The following ARHGAP5 variants were observed in gnomAD, a reference collection of about 807,000 sequenced individuals.
ARHGAP5 encodes Rho GTPase activating protein 5.
In ARHGAP5, 23 loss-of-function variants were observed where a neutral mutation model predicts 116.6. That is an observed-to-expected ratio of 0.20 (90% confidence interval 0.14 to 0.28). The LOEUF (loss-of-function observed/expected upper bound fraction) is 0.28, where lower values mean the gene tolerates loss of function less well. ARHGAP5 is among the 10% of genes least tolerant of loss of function. The pLI is 1.00. For synonymous variants in ARHGAP5, 574 were observed against 602.0 expected, an observed-to-expected ratio of 0.95 and a Z score of 0.68; for missense variants, 1,405 against 1,774.8, an observed-to-expected ratio of 0.79 and a Z score of 3.74.
At chr14:32,135,711 C>T (rs1880753642) in intron 3 of ARHGAP5, among the ~76,000 whole-genome samples, 1 of 152,244 alleles carries the variant, frequency 6.6e-6, no homozygotes, top group South Asian at 2.1e-4. Context: ...GTGCAAGCCA[C>T]CACTCCTGGC....
At position 32,092,124 on chromosome 14, in the gene ARHGAP5, A is replaced by C. The variant is rs1878286648; in HGVS notation, c.1455A>C (p.Lys485Asn). 6.2e-7 allele frequency: 1 copy of C among 1,613,784 alleles called. No homozygotes were observed. The highest frequency in any genetic ancestry group is 1.3e-5 in the African/African-American group (1 of 74,918). Residue 485 changes from lysine to asparagine, a missense_variant, in exon 2 of 7, where the codon AAA becomes AAC. This residue lies in a region of ARHGAP5 where 944 missense variants were observed against 1,095.3 expected (regional missense o/e 0.86). Coordinates refer to ENST00000345122, the MANE Select transcript of ARHGAP5 (RefSeq NM_001030055.2). The surrounding 1 kb of genome is among the most constrained non-coding windows in gnomAD (Gnocchi z 4.1). The part of the protein sequence containing the change: ...YGRHQREIVE[K>N]AKEEFQEMLF... ...GGCATCAGCGAGAAATAGTTGAAAAAGCCAAAGAAGAGTTTCAAGAAATGC... is the reference window on the plus strand; with the variant it reads ...GGCATCAGCGAGAAATAGTTGAAAACGCCAAAGAAGAGTTTCAAGAAATGC...
chr14:32,153,504 TG>T (rs1165263521), intron 6 of ARHGAP5, among the ~76,000 whole-genome samples: 2 of 136,742 alleles, frequency 1.5e-5, no homozygotes, highest in Non-Finnish European at 3.2e-5. Context: ...GATGGAGTCT[TG>T]CTCTGTCGCC....
At chr14:32,154,434 C>T (rs1881799842) in intron 6 of ARHGAP5, 187 bp from the exon 7 acceptor site, 3 of 566,840 alleles carry the variant, frequency 5.3e-6, no homozygotes. Flanking sequence ...CAGGCGTGAG[C>T]CACTGCACCT....
In ARHGAP5 at chr14:32,091,927, C is replaced by T; in HGVS notation, c.1258C>T (p.His420Tyr). 1 of 1,613,572 alleles carries T rather than the reference C, an allele frequency of 6.2e-7. No individual in the cohort carries two copies. Among genetic ancestry groups the T allele is most frequent in the Admixed American group, 1.7e-5 (1 of 59,992 alleles). Reference sequence around the variant, plus strand: ...AAAAGTCTATCAGAACCATGTACAGCATCTGATATCCGAGAAGAGGAGGGT... The same window carrying T: ...AAAAGTCTATCAGAACCATGTACAGTATCTGATATCCGAGAAGAGGAGGGT... The part of the protein sequence containing the change: ...AEKVYQNHVQ[H>Y]LISEKRRVEM... The change falls in exon 2 of 7, where the codon CAT (histidine) becomes TAT (tyrosine). Residue 420 changes from histidine to tyrosine, a missense_variant. Around this residue, in one of 6 missense-constraint regions of ARHGAP5, gnomAD observed 944 missense variants for 1,095.3 expected, o/e 0.86. Coordinates refer to ENST00000345122, the MANE Select transcript of ARHGAP5 (RefSeq NM_001030055.2).
rs1881571135 is a variant in ARHGAP5, at chr14:32,150,027, G to T, written c.4069G>T (p.Ala1357Ser). 1 of 1,587,380 alleles carries T rather than the reference G, an allele frequency of 6.3e-7. No individual in the cohort carries two copies. Among genetic ancestry groups the T allele is most frequent in the Admixed American group, 1.8e-5 (1 of 54,280 alleles). ...TTCTCTTCATCCAGAACTATTGGAA[G>T]CAGCAAGTAAGTATAAACCTCCTTT... Reference protein sequence around the residue: ...PYSLHPELLEAAKIPDKTERL... With the variant: ...PYSLHPELLESAKIPDKTERL... Residue 1357 changes from alanine to serine, a missense_variant, in exon 5 of 7, where the codon GCA becomes TCA. By Grantham distance (99) the Ala-to-Ser change is moderately conservative (BLOSUM62 1). Coordinates refer to ENST00000345122, the MANE Select transcript of ARHGAP5 (RefSeq NM_001030055.2).
At chr14:32,145,263 A>G (rs966923748) in intron 3 of ARHGAP5, among the ~76,000 whole-genome samples, 5 of 152,174 alleles carry the variant, frequency 3.3e-5, no homozygotes, top group Admixed American at 1.3e-4. Flanking sequence ...GACACTCCAG[A>G]AAGGGTAAAG....
Position 32,131,371 on chromosome 14 carries a change from C to A in ARHGAP5, c.3865+14084C>A, listed in dbSNP as rs533284566. ...TATAATTGTATTAAAAGATACATAA[C>A]GTAAAATGTGTCATGTTAACCATTT... On this transcript the variant is annotated intron_variant, in intron 3 of 6. Coordinates refer to ENST00000345122, the MANE Select transcript of ARHGAP5 (RefSeq NM_001030055.2). 1.4e-3 allele frequency among the ~76,000 whole-genome samples: 212 copies of A among 150,294 alleles called. 1 individual carries two copies. The highest frequency in any genetic ancestry group is 4.9e-3 in the African/African-American group (200 of 40,888).
chr14:32,110,120 A>T (rs368777478), intron 2 of ARHGAP5, among the ~76,000 whole-genome samples: 11 of 151,800 alleles, frequency 7.2e-5, no homozygotes, highest in African/African-American at 2.7e-4. Flanking sequence ...AATTTATTTC[A>T]TAGTGTTCCA....
rs927994910 is a variant in ARHGAP5 at position 32,156,869 on chromosome 14, T to G, written c.*1921T>G. The G allele has an allele frequency of 1.3e-5, 2 of 152,346 alleles. No homozygotes were observed. The highest frequency in any genetic ancestry group is 3.0e-5 in the Non-Finnish European group (2 of 67,786). 9.4% of individuals were successfully genotyped at this position (152,346 alleles called of 1,614,324 possible). On this transcript the variant is annotated 3_prime_UTR_variant, in exon 7 of 7. Transcript: ENST00000345122. ...AGGAAAAAAGCCTGACTATTTCTATTTGGAAGTAGGCTGAAAAGAGAATTT... is the reference window on the plus strand; with the variant it reads ...AGGAAAAAAGCCTGACTATTTCTATGTGGAAGTAGGCTGAAAAGAGAATTT...
intron 2 of ARHGAP5, among the ~76,000 whole-genome samples, chr14:32,112,096 C>T (rs1174261959): frequency 2.0e-5 from 3 of 152,156 alleles, no homozygotes; most frequent in East Asian, 3.9e-4. Context: ...GGATTACAGG[C>T]GTGAGCCACC....
intron 3 of ARHGAP5, among the ~76,000 whole-genome samples, chr14:32,140,517 G>A (rs1881071489): frequency 6.6e-6 from 1 of 152,120 alleles, no homozygotes; most frequent in South Asian, 2.1e-4. Flanking sequence ...GTGAACCCAG[G>A]AGGCGGAGCT....
chr14:32,142,504 AC>A, intron 3 of ARHGAP5, among the ~76,000 whole-genome samples: 2 of 152,176 alleles, frequency 1.3e-5, no homozygotes, highest in African/African-American at 2.4e-5. Context: ...TGTTCTATTC[AC>A]TTTGCGGTGA....
intron 3 of ARHGAP5, among the ~76,000 whole-genome samples, chr14:32,132,021 T>C (rs1486087721): frequency 1.3e-5 from 2 of 152,204 alleles, no homozygotes; most frequent in Non-Finnish European, 2.9e-5. Flanking sequence ...TCTTTGCTAT[T>C]GTGAATAGTG....
chr14:32,111,114 C>A (rs142701102), intron 2 of ARHGAP5, among the ~76,000 whole-genome samples: 2 of 152,220 alleles, frequency 1.3e-5, no homozygotes, highest in East Asian at 3.9e-4. Context: ...AAAAAGAAGA[C>A]AATCAGAGCC....
At chr14:32,123,773 C>T (rs970313646) in intron 3 of ARHGAP5, among the ~76,000 whole-genome samples, 1 of 151,996 alleles carries the variant, frequency 6.6e-6, no homozygotes, top group South Asian at 2.1e-4. Flanking sequence ...GTGTTAAGTA[C>T]CTTGTGAATC....
chr14:32,148,223 T>A (rs920724881), intron 4 of ARHGAP5, among the ~76,000 whole-genome samples: 6 of 152,196 alleles, frequency 3.9e-5, no homozygotes, highest in South Asian at 2.1e-4. Context: ...TGTATATCTA[T>A]CTATAGTGTT....
intron 3 of ARHGAP5, among the ~76,000 whole-genome samples, chr14:32,128,243 T>C (rs12101226): frequency 0.067 from 9,950 of 149,250 alleles, 1,051 homozygotes; most frequent in African/African-American, 0.22. Context: ...AGACGATGGG[T>C]GGCCAGGCAG....
At chr14:32,096,665 A>G (rs1594350894) in intron 2 of ARHGAP5, among the ~76,000 whole-genome samples, 2 of 152,236 alleles carry the variant, frequency 1.3e-5, no homozygotes, top group East Asian at 3.8e-4. Context: ...ATTGTGAAGT[A>G]GTAGTTAAAT....
chr14:32,080,219 A>T (rs1034274847), intron 1 of ARHGAP5, among the ~76,000 whole-genome samples: 6 of 151,756 alleles, frequency 4.0e-5, no homozygotes, highest in African/African-American at 1.4e-4. Context: ...ATGCCTTGAG[A>T]CTTCCTATGA....
Sources: gnomAD v4.1 joint callset for allele counts (sites outside exome capture counted in the v4.1 genomes callset) on GRCh38, gnomAD v4.1.1 for gene constraint, gnomAD v4.1.1 regional missense constraint, Gnocchi (gnomAD v3.1) non-coding constraint, MANE v1.5 for transcripts, NCBI Gene and HGNC (gene_info 2026-07-23, HGNC 2026-07-21) for gene names.